Variants in TTN observed in about 807,000 individuals in gnomAD.
The protein encoded by TTN is connectin.
Under a neutral mutation model 3,223.0 loss-of-function variants are expected in TTN, and 1,525 were observed. The ratio of observed to expected loss-of-function variants is 0.47; its 90% CI spans 0.45 to 0.49. The LOEUF (loss-of-function observed/expected upper bound fraction) is 0.49, where lower values mean the gene tolerates loss of function less well. TTN is among the 20% of genes least tolerant of loss of function. The probability of loss-of-function intolerance (pLI) is 0.00; values close to 1 mark genes in which losing one functional copy is unlikely to be tolerated. For synonymous variants in TTN, 14,094 were observed against 15,161.0 expected (o/e 0.93, Z 5.17); for missense variants, 40,786 against 43,424.0 (o/e 0.94, Z 5.40).
intron 41 of TTN, 52 bp from the exon 42 acceptor site, chr2:178,764,863 G>C: frequency 1.9e-6 from 3 of 1,603,696 alleles, no homozygotes; most frequent in South Asian, 1.1e-5. Context: ...AAACACAAGA[G>C]AGCATGCAAA....
At position 178,597,542 on chromosome 2, in the gene TTN, T is replaced by C; in HGVS notation, c.57540A>G (p.Val19180=). Residue 19180 remains valine, a synonymous_variant, in exon 294 of 363, where the codon GTA becomes GTG. Coordinates refer to ENST00000589042, the MANE Select transcript of TTN (RefSeq NM_001267550.2). The part of the protein sequence containing the change: ...GERKKTIIVD[V]LDVPGPVGTP... ...AGACAAATTGAAAGTATTTACCTAA[T>C]ACATCAACAATAATTGTCTTCTTTC... 7.5e-6 allele frequency: 12 copies of C among 1,610,624 alleles called. No individual in the cohort carries two copies. The highest frequency in any genetic ancestry group is 1.0e-5 in the Non-Finnish European group (12 of 1,178,488).
chr2:178,666,125 G>A (rs903089406), intron 163 of TTN, among the ~76,000 whole-genome samples: 10 of 151,984 alleles, frequency 6.6e-5, no homozygotes, highest in African/African-American at 2.2e-4. Context: ...AATCTAGGTC[G>A]GCATTTTTTT....
At chr2:178,713,716 A>T in intron 92 of TTN, 181 bp downstream of exon 92, 1 of 881,072 alleles carries the variant, frequency 1.1e-6, no homozygotes, top group East Asian at 2.7e-5. Flanking sequence ...AAAGAAAGGG[A>T]TATAACTTTT....
intron 240 of TTN, among the ~76,000 whole-genome samples, chr2:178,625,875 A>C (rs888634012): frequency 6.6e-6 from 1 of 152,016 alleles, no homozygotes; most frequent in Admixed American, 6.6e-5. Flanking sequence ...TTTCAAGAAA[A>C]TTTTAGGGTT....
chr2:178,587,667 A>G lies in TTN; in HGVS notation c.63642T>C (p.Asp21214=), dbSNP rs771650261. The change falls in exon 306 of 363, where the codon GAT becomes GAC. Residue 21214 remains aspartate, a synonymous_variant. Coordinates refer to ENST00000589042, the MANE Select transcript of TTN (RefSeq NM_001267550.2). ...PKVTWRKVGI[D]NVVRKGQVDL... Reference sequence around the variant, plus strand: ...CAACTTGTCCTTTTCTGACCACATTATCAATGCCAACTTTTCGCCAAGTGA... The same window carrying G: ...CAACTTGTCCTTTTCTGACCACATTGTCAATGCCAACTTTTCGCCAAGTGA... 2 of 1,612,928 alleles carry G rather than the reference A, an allele frequency of 1.2e-6. No homozygotes were observed. Among genetic ancestry groups the G allele is most frequent in the East Asian group, 2.2e-5 (1 of 44,614 alleles).
rs748984928 is a variant in TTN at position 178,545,894 on chromosome 2, C to T, written c.95342G>A (p.Arg31781Gln). 22 of 1,613,738 alleles carry T rather than the reference C, an allele frequency of 1.4e-5. No individual in the cohort carries two copies. The highest frequency in any genetic ancestry group is 8.0e-5 in the African/African-American group (6 of 74,908). ...GCCATATTTGTTTACTGCCCTCACT[C>T]GGAATATGTACTCATTGTTCTTGAT... Reference protein sequence around the residue: ...RLIKNNEYIFRVRAVNKYGPG... With the variant: ...RLIKNNEYIFQVRAVNKYGPG... Residue 31781 changes from arginine to glutamine, a missense_variant, in exon 343 of 363, where the codon CGA becomes CAA. Arg to Gln is a conservative substitution (Grantham distance 43). Transcript: ENST00000589042.
intron 240 of TTN, among the ~76,000 whole-genome samples, chr2:178,627,016 A>G (rs2059151102): frequency 6.6e-6 from 1 of 151,960 alleles, no homozygotes; most frequent in Non-Finnish European, 1.5e-5. Flanking sequence ...AATGAAATGA[A>G]TGTTGAAGAT....
Position 178,733,027 on chromosome 2 carries a change from G to T in TTN, c.16149C>A (p.Ser5383=). 1 of 1,613,436 alleles carries T rather than the reference G, an allele frequency of 6.2e-7. No homozygotes were observed. Among genetic ancestry groups the T allele is most frequent in the Non-Finnish European group, 8.5e-7 (1 of 1,179,680 alleles). ...TCRLDCKIAG[S]LPMRVSWFKD... ...TAAACCAGGACACCCTCATGGGGAG[G>T]GAGCCTGCAATTTTGCAGTCCAGTC... Residue 5383 remains serine, a synonymous_variant, in exon 55 of 363, where the codon TCC becomes TCA. Coordinates refer to ENST00000589042, the MANE Select transcript of TTN (RefSeq NM_001267550.2).
chr2:178,535,859 A>AG lies in TTN; in HGVS notation c.100766-11_100766-10insC, dbSNP rs1559052796. 2.5e-6 allele frequency: 1 copy of AG among 395,752 alleles called. No homozygotes were observed. Among genetic ancestry groups the AG allele is most frequent in the South Asian group, 7.0e-5 (1 of 14,298 alleles). 24.5% of individuals were successfully genotyped at this position (395,752 alleles called of 1,614,324 possible). ...TGTATCTTAGCTGGAACTGTATCAGAAAAAAAAAAAAAAAGAATATAATTT... is the reference window on the plus strand; with the variant it reads ...TGTATCTTAGCTGGAACTGTATCAGAGAAAAAAAAAAAAAAGAATATAATTT... On this transcript the variant is annotated splice_polypyrimidine_tract_variant and intron_variant, in intron 357 of 362. Transcript: ENST00000589042.
Position 178,667,230 on chromosome 2 carries a change from T to C in TTN, c.35797+6A>G. The C allele has an allele frequency of 1.3e-6, 2 of 1,590,872 alleles. No homozygotes were observed. Among genetic ancestry groups the C allele is most frequent in the Non-Finnish European group, 1.7e-6 (2 of 1,167,874 alleles). ...TCTTTAGATTTTCCTAACTAGAGAATTATACCTTCAGTTGGAGGATGTTCT... is the reference window on the plus strand; with the variant it reads ...TCTTTAGATTTTCCTAACTAGAGAACTATACCTTCAGTTGGAGGATGTTCT... On this transcript the variant is annotated splice_donor_region_variant and intron_variant, in intron 162 of 362. Transcript: ENST00000589042.
intron 220 of TTN, 103 bp downstream of exon 220, chr2:178,641,138 G>T: frequency 1.3e-6 from 1 of 749,630 alleles, no homozygotes. Context: ...GAAATATGAA[G>T]CCATGTTTAC....
chr2:178,546,180 T>C (rs1053977179), intron 342 of TTN, 32 bp downstream of exon 342: 2 of 1,591,466 alleles, frequency 1.3e-6, no homozygotes, highest in Admixed American at 3.4e-5. Context: ...TGGAAAATGC[T>C]ATATAAATGT....
At position 178,562,080 on chromosome 2, in the gene TTN, T is replaced by C; in HGVS notation, c.84052A>G (p.Thr28018Ala). 1 of 1,613,318 alleles carries C rather than the reference T, an allele frequency of 6.2e-7. No individual in the cohort carries two copies. The highest frequency in any genetic ancestry group is 1.3e-5 in the African/African-American group (1 of 75,016). ...GAAGCTTCCTTAATAGATAGTGATGTTACAGTCTTTGAAGAAGAAACATTG... is the reference window on the plus strand; with the variant it reads ...GAAGCTTCCTTAATAGATAGTGATGCTACAGTCTTTGAAGAAGAAACATTG... The part of the protein sequence containing the change: ...RVNVSSSKTV[T>A]SLSIKEASKE... The change falls in exon 326 of 363, where the codon ACA becomes GCA. Residue 28018 changes from threonine to alanine, a missense_variant. Thr to Ala is a moderately conservative substitution (Grantham distance 58, BLOSUM62 0). Transcript: ENST00000589042.
chr2:178,629,008 G>T (rs2059438373), intron 240 of TTN, among the ~76,000 whole-genome samples: 2 of 151,998 alleles, frequency 1.3e-5, no homozygotes, highest in African/African-American at 4.8e-5. Context: ...CTGCCTTCTG[G>T]TTAATCAAAC....
At chr2:178,685,706 C>T (rs377524177) in intron 127 of TTN, 108 bp from the exon 128 acceptor site, 1 of 1,020,122 alleles carries the variant, frequency 9.8e-7, no homozygotes, top group Non-Finnish European at 1.4e-6. Context: ...AAGTTTAACC[C>T]TTGCCAAACC....
rs1378959826 is a variant in TTN, at chr2:178,593,336, T to C, written c.58872A>G (p.Arg19624=). ...TAGGATCTTTGGTAACTCTAGCCCATCGTTTAGACATAGTTTCTCTCTTTT... is the reference window on the plus strand; with the variant it reads ...TAGGATCTTTGGTAACTCTAGCCCACCGTTTAGACATAGTTTCTCTCTTTT... ...ILEKRETMSK[R]WARVTKDPIH... is the part of the protein sequence containing the mutation. The change falls in exon 299 of 363, where the codon CGA becomes CGG. Residue 19624 remains arginine, a synonymous_variant. Coordinates refer to ENST00000589042, the MANE Select transcript of TTN (RefSeq NM_001267550.2). 1 of 1,613,356 alleles carries C rather than the reference T, an allele frequency of 6.2e-7. No homozygotes were observed. The highest frequency in any genetic ancestry group is 2.2e-5 in the East Asian group (1 of 44,754).
At chr2:178,619,389 G>A (rs1020495436) in intron 250 of TTN, 1 of 562,520 alleles carries the variant, frequency 1.8e-6, no homozygotes, top group Admixed American at 3.5e-5. Flanking sequence ...TTCATAAATA[G>A]TCATCATGTA....
chr2:178,727,393 G>C (rs1213879816), intron 68 of TTN, 22 bp from the exon 69 acceptor site: 1 of 1,542,844 alleles, frequency 6.5e-7, no homozygotes. Flanking sequence ...GGAAAGAGGA[G>C]AGTATCAGGG....
At position 178,677,848 on chromosome 2, in the gene TTN, T is replaced by G. The variant is rs767719519; in HGVS notation, c.34064A>C (p.Glu11355Ala). ...AACTTCCTCTTCAGGAACAATTTCT[T>G]CTTCAAATAGAACTTCCTCTTCCTG... ...LPQEEEVLFE[E>A]EIVPEEEVLP... is the part of the protein sequence containing the mutation. Residue 11355 changes from glutamate to alanine, a missense_variant, in exon 146 of 363, where the codon GAA becomes GCA. Glu to Ala is a moderately radical substitution (Grantham distance 107, BLOSUM62 -1). Transcript: ENST00000589042. The G allele has an allele frequency of 4.3e-6, 7 of 1,612,640 alleles. No individual in the cohort carries two copies. The highest frequency in any genetic ancestry group is 5.9e-6 in the Non-Finnish European group (7 of 1,179,226).
Sources: allele counts gnomAD v4.1 joint callset (sites outside exome capture counted in the v4.1 genomes callset), GRCh38; gene constraint gnomAD v4.1.1; transcripts MANE v1.5; gene names NCBI Gene and HGNC (gene_info 2026-07-23, HGNC 2026-07-21).